Variants in GAS7 observed in about 807,000 individuals in gnomAD.
GAS7 encodes the protein growth arrest-specific protein 7.
Under a neutral mutation model 71.1 loss-of-function variants are expected in GAS7, and 28 were observed. The observed-to-expected ratio is 0.39, with a 90% confidence interval of 0.29 to 0.54. The LOEUF (loss-of-function observed/expected upper bound fraction) is 0.54, where lower values mean the gene tolerates loss of function less well. Among genes scored for constraint, GAS7 ranks in the 20% least tolerant of loss-of-function variants. GAS7 has a pLI of 0.62. For missense variants in GAS7, 436 were observed against 627.8 expected, an observed-to-expected ratio of 0.69 and a Z score of 3.27; for synonymous variants, 258 against 245.8, an observed-to-expected ratio of 1.05 and a Z score of -0.46.
In GAS7 at chr17:10,080,378, C is replaced by T. The variant is rs374947129; in HGVS notation, c.184-60481G>A. 5.3e-5 allele frequency among the ~76,000 whole-genome samples: 8 copies of T among 152,246 alleles called. No homozygotes were observed. The South Asian group carries it at 1.7e-3, about 32-fold the overall frequency. ...CCTGGAAAATTCATGAATAATCCAC[C>T]CCTTATTTGGCATATAATCAAGAAA... On this transcript the variant is annotated intron_variant, in intron 1 of 13. Transcript: ENST00000432992.
chr17:10,070,652 C>T (rs2073331316), intron 1 of GAS7, among the ~76,000 whole-genome samples: 1 of 152,170 alleles, frequency 6.6e-6, no homozygotes, highest in South Asian at 2.1e-4. Context: ...GCGTGAGCCA[C>T]TGTGCCCGGC....
intron 1 of GAS7, among the ~76,000 whole-genome samples, chr17:10,085,405 C>T (rs1292074793): frequency 3.3e-5 from 5 of 152,250 alleles, no homozygotes; most frequent in African/African-American, 4.8e-5. Flanking sequence ...CCATACCAGC[C>T]GGGCGCAGTG....
intron 1 of GAS7, among the ~76,000 whole-genome samples, chr17:10,128,540 C>T (rs2073969832): frequency 6.6e-6 from 1 of 152,240 alleles, no homozygotes; most frequent in South Asian, 2.1e-4. Context: ...AACATAAAAC[C>T]CAGCATTTCA....
At chr17:9,975,783 TCAAA>T in intron 3 of GAS7, among the ~76,000 whole-genome samples, 1 of 152,182 alleles carries the variant, frequency 6.6e-6, no homozygotes, top group Non-Finnish European at 1.5e-5. Context: ...GCTTGAAATC[TCAAA>T]CAAGGCAACA....
chr17:10,105,336 C>T (rs941364032), intron 1 of GAS7, among the ~76,000 whole-genome samples: 6 of 152,116 alleles, frequency 3.9e-5, no homozygotes, highest in Admixed American at 3.9e-4. Context: ...TTCTCCAGCA[C>T]CTGCCTGCAG....
At position 9,919,790 on chromosome 17, in the gene GAS7, T is replaced by A; in HGVS notation, c.1139-85A>T. The A allele has an allele frequency of 1.0e-6, 1 of 993,900 alleles. No homozygotes were observed. Among genetic ancestry groups the A allele is most frequent in the Non-Finnish European group, 1.6e-6 (1 of 619,260 alleles). 61.6% of individuals were successfully genotyped at this position (993,900 alleles called of 1,614,324 possible). On this transcript the variant is annotated intron_variant, in intron 11 of 13. Transcript: ENST00000432992. This position sits in a 1 kb window ranked among gnomAD's most constrained non-coding sequence, Gnocchi z 5.0. ...CCACCCTGAGCCCCACAGCCAAGCCTTCTCCTCCCCCTGGGGTCATGGTGG... is the reference window on the plus strand; with the variant it reads ...CCACCCTGAGCCCCACAGCCAAGCCATCTCCTCCCCCTGGGGTCATGGTGG...
rs748097241 is a variant in GAS7, at chr17:10,000,478, C to T, written c.305-18594G>A. The stretch of plus-strand genomic sequence containing the variant: ...CTCTGCCTGCACCATTTCCTCCAAA[C>T]GGGTGGTAATGATGAAAACTACAGA... On this transcript the variant is annotated intron_variant, in intron 2 of 13. Transcript: ENST00000432992. Among the ~76,000 whole-genome samples, 7 of 152,152 alleles carry T rather than the reference C, an allele frequency of 4.6e-5. No homozygotes were observed. The South Asian group carries it at 1.0e-3, about 23-fold the overall frequency.
chr17:9,942,523 C>A (rs529741742), intron 7 of GAS7, among the ~76,000 whole-genome samples: 6 of 152,230 alleles, frequency 3.9e-5, no homozygotes, highest in Admixed American at 3.9e-4. Context: ...TCTGTGTTCC[C>A]AAGCTCTTTA....
At position 10,103,130 on chromosome 17, in the gene GAS7, T is replaced by TCACCTGAGG. The variant is rs1456527243; in HGVS notation, c.184-83234_184-83233insCCTCAGGTG. Among the ~76,000 whole-genome samples the TCACCTGAGG allele has an allele frequency of 6.6e-6, 1 of 151,848 alleles. No individual in the cohort carries two copies. The highest frequency in any genetic ancestry group is 2.4e-5 in the African/African-American group (1 of 41,362). ...ATTTTGGGAGGCCGAGGTGGGCAGA[T>TCACCTGAGG]TGCTAAGAGCCCAGGAGTTTGAGAC... On this transcript the variant is annotated intron_variant, in intron 1 of 13. Transcript: ENST00000432992. This position sits in a 1 kb window ranked among gnomAD's most constrained non-coding sequence, Gnocchi z 5.5.
At position 9,926,490 on chromosome 17, in the gene GAS7, C is replaced by T. The variant is rs941507999; in HGVS notation, c.1014+151G>A. On this transcript the variant is annotated intron_variant, in intron 10 of 13. Coordinates refer to ENST00000432992, the MANE Select transcript of GAS7 (RefSeq NM_201433.2). The surrounding 1 kb of genome is among the most constrained non-coding windows in gnomAD (Gnocchi z 5.0). ...CCCTTGGATGGGTGGGGTGCTCTGG[C>T]GTAGGCACGAGGCTTGGACATCCCC... 2.5e-5 allele frequency: 20 copies of T among 800,918 alleles called. No individual in the cohort carries two copies. The highest frequency in any genetic ancestry group is 3.8e-5 in the Non-Finnish European group (19 of 504,754). 49.6% of individuals were successfully genotyped at this position (800,918 alleles called of 1,614,324 possible).
rs569724069 is a variant in GAS7, at chr17:9,927,564, G to A, written c.886-795C>T. 7.9e-5 allele frequency among the ~76,000 whole-genome samples: 12 copies of A among 151,906 alleles called. 1 individual carries two copies. In the East Asian group the frequency reaches 1.2e-3, roughly 15 times the overall value. On this transcript the variant is annotated intron_variant, in intron 9 of 13. Coordinates refer to ENST00000432992, the MANE Select transcript of GAS7 (RefSeq NM_201433.2). ...TATTTTATCCCACAGCTTCTTGCAC[G>A]GCTTTGTTCTTATGTCTCTCTCCCT...
chr17:10,183,695 A>T, intron 1 of GAS7, among the ~76,000 whole-genome samples: 1 of 152,194 alleles, frequency 6.6e-6, no homozygotes, highest in Non-Finnish European at 1.5e-5. Context: ...ACAAAAAATT[A>T]GCCGGGCGTG....
chr17:10,100,966 G>T (rs74422348), intron 1 of GAS7, among the ~76,000 whole-genome samples: 1 of 152,038 alleles, frequency 6.6e-6, no homozygotes, highest in Non-Finnish European at 1.5e-5. Context: ...AAAAATTAGC[G>T]ACTTAAAACA....
chr17:10,040,551 G>A (rs1239236804), intron 1 of GAS7, among the ~76,000 whole-genome samples: 1 of 152,028 alleles, frequency 6.6e-6, no homozygotes, highest in Non-Finnish European at 1.5e-5. Context: ...ACTAGAGGGA[G>A]GAAACCGGCT....
intron 1 of GAS7, among the ~76,000 whole-genome samples, chr17:10,069,950 C>T (rs758356152): frequency 1.1e-4 from 17 of 152,204 alleles, no homozygotes; most frequent in Non-Finnish European, 2.2e-4. Context: ...CACCCGGCAC[C>T]TCCCAAAACT....
At chr17:10,177,598 G>A (rs906788630) in intron 1 of GAS7, among the ~76,000 whole-genome samples, 3 of 152,120 alleles carry the variant, frequency 2.0e-5, no homozygotes, top group Non-Finnish European at 4.4e-5. Context: ...CTCAGATGGA[G>A]TATAGCCTCT....
chr17:9,922,463 A>T (rs1428154506), intron 11 of GAS7, among the ~76,000 whole-genome samples: 1 of 152,226 alleles, frequency 6.6e-6, no homozygotes, highest in Admixed American at 6.5e-5. Context: ...CTCATTTGTA[A>T]AGGGTATAAA....
intron 2 of GAS7, among the ~76,000 whole-genome samples, chr17:9,999,672 G>A (rs1241830691): frequency 1.3e-5 from 2 of 152,180 alleles, no homozygotes; most frequent in African/African-American, 4.8e-5. Context: ...GGATTCCCAA[G>A]GAAGAGGATG....
intron 1 of GAS7, among the ~76,000 whole-genome samples, chr17:10,126,518 CGCACACACAA>C (rs1455022989): frequency 7.4e-6 from 1 of 134,412 alleles, no homozygotes; most frequent in East Asian, 2.2e-4. Context: ...GTATCACACA[CGCACACACAA>C]GCACACACAC....
Sources: allele counts gnomAD v4.1 joint callset (sites outside exome capture counted in the v4.1 genomes callset), GRCh38; gene constraint gnomAD v4.1.1; non-coding constraint Gnocchi (gnomAD v3.1); transcripts MANE v1.5; gene names NCBI Gene and HGNC (gene_info 2026-07-23, HGNC 2026-07-21).